Variants in KDM2B observed in about 807,000 individuals in gnomAD.
KDM2B encodes lysine-specific demethylase 2B.
Under a neutral mutation model 150.0 loss-of-function variants are expected in KDM2B, and 26 were observed. The observed-to-expected ratio is 0.17, with a 90% confidence interval of 0.13 to 0.24. KDM2B has a LOEUF of 0.24. Ranked by LOEUF, KDM2B falls within the 10% of genes least tolerant of loss-of-function variation. The pLI, the probability that KDM2B is intolerant of heterozygous loss-of-function variation, is 1.00. For missense variants in KDM2B, 1,265 were observed against 1,816.9 expected (o/e 0.70, Z 5.52); for synonymous variants, 734 against 729.5 (o/e 1.01, Z -0.10).
At chr12:121,553,487 G>A (rs1440297411) in intron 4 of KDM2B, among the ~76,000 whole-genome samples, 1 of 152,144 alleles carries the variant, frequency 6.6e-6, no homozygotes, top group Admixed American at 6.6e-5. Context: ...TAGAGGGTTC[G>A]GTTCCCAGCG....
At chr12:121,536,666 T>G (rs1442970287) in intron 6 of KDM2B, among the ~76,000 whole-genome samples, 2 of 152,026 alleles carry the variant, frequency 1.3e-5, no homozygotes, top group African/African-American at 2.4e-5. Flanking sequence ...CTTGGTTTTT[T>G]TTTTTTTTTC....
chr12:121,408,601 A>G, the KDM2B span, among the ~76,000 whole-genome samples: 15 of 152,162 alleles, frequency 9.9e-5, no homozygotes, highest in African/African-American at 3.6e-4. Flanking sequence ...ATGCAGAATA[A>G]ATTTCTGAAA....
Position 121,520,888 on chromosome 12 carries a change from A to C in KDM2B, c.1047+97T>G. ...GAGAGGAATCGGGAGGGAGAGGGGA[A>C]CTGTGGAGGACTTCAGTATGACCTG... On this transcript the variant is annotated intron_variant, in intron 9 of 22. Transcript: ENST00000377071. The surrounding 1 kb of genome is among the most constrained non-coding windows in gnomAD (Gnocchi z 4.5). The C allele has an allele frequency of 1.3e-6, 1 of 745,446 alleles. No homozygotes were observed. Among genetic ancestry groups the C allele is most frequent in the Non-Finnish European group, 2.2e-6 (1 of 449,760 alleles). The allele number at this position is 745,446 out of a possible 1,614,324, so 46.2% of individuals were successfully genotyped here.
rs946988827 is a variant in KDM2B, at chr12:121,513,212, C to T, written c.1174+64G>A. 2 of 1,587,468 alleles carry T rather than the reference C, an allele frequency of 1.3e-6. No individual in the cohort carries two copies. The highest frequency in any genetic ancestry group is 1.3e-5 in the African/African-American group (1 of 74,572). Reference sequence around the variant, plus strand: ...ACTCAGGGAGTGTCTCCAGGCCCCACTGAGAAAATGATTTCTGCCCCAGCT... The same window carrying T: ...ACTCAGGGAGTGTCTCCAGGCCCCATTGAGAAAATGATTTCTGCCCCAGCT... On this transcript the variant is annotated intron_variant, in intron 10 of 22. Coordinates refer to ENST00000377071, the MANE Select transcript of KDM2B (RefSeq NM_032590.5). The surrounding 1 kb of genome is among the most constrained non-coding windows in gnomAD (Gnocchi z 5.0).
chr12:121,442,532 T>C lies in KDM2B; in HGVS notation c.2909A>G (p.Gln970Arg). 1.3e-6 allele frequency: 2 copies of C among 1,599,748 alleles called. No homozygotes were observed. The highest frequency in any genetic ancestry group is 1.7e-6 in the Non-Finnish European group (2 of 1,179,868). ...CTCAGGCTCCGACTTGATGGGCTGC[T>C]GGTTCTCGTTGGCCAGGCTGTTCTC... The part of the protein sequence containing the change: ...RTENSLANEN[Q>R]QPIKSEPESE... Residue 970 changes from glutamine to arginine, a missense_variant, in exon 19 of 23, where the codon CAG (glutamine) becomes CGG (arginine). Physicochemically the swap from Gln to Arg is conservative, Grantham distance 43. Coordinates refer to ENST00000377071, the MANE Select transcript of KDM2B (RefSeq NM_032590.5). The surrounding 1 kb of genome is among the most constrained non-coding windows in gnomAD (Gnocchi z 7.7).
chr12:121,548,556 G>A (rs1441211537), intron 6 of KDM2B, among the ~76,000 whole-genome samples: 1 of 152,206 alleles, frequency 6.6e-6, no homozygotes, highest in Non-Finnish European at 1.5e-5. Flanking sequence ...GTGCACAAAA[G>A]TATGCACAGT....
intron 4 of KDM2B, among the ~76,000 whole-genome samples, chr12:121,560,049 G>C (rs1890228575): frequency 6.6e-6 from 1 of 152,134 alleles, no homozygotes; most frequent in Admixed American, 6.6e-5. Context: ...CTATCACCCA[G>C]GCTGGAGTGC....
At chr12:121,461,681 C>T (rs891398079) in intron 12 of KDM2B, among the ~76,000 whole-genome samples, 2 of 152,070 alleles carry the variant, frequency 1.3e-5, no homozygotes, top group African/African-American at 2.4e-5. Flanking sequence ...TGTGGGCATG[C>T]GGAATCCAAG....
intron 4 of KDM2B, among the ~76,000 whole-genome samples, chr12:121,565,235 C>T (rs531460747): frequency 1.3e-5 from 2 of 152,104 alleles, no homozygotes; most frequent in Non-Finnish European, 2.9e-5. Flanking sequence ...TCATAATAGA[C>T]ACACCAGCCA....
chr12:121,535,688 G>C (rs1169059785), intron 6 of KDM2B, among the ~76,000 whole-genome samples: 1 of 152,194 alleles, frequency 6.6e-6, no homozygotes, highest in Non-Finnish European at 1.5e-5. Context: ...GGGCCGGGGA[G>C]TGAATCCAGG....
At chr12:121,478,420 C>T (rs1158726071) in intron 12 of KDM2B, among the ~76,000 whole-genome samples, 3 of 148,432 alleles carry the variant, frequency 2.0e-5, no homozygotes, top group Non-Finnish European at 3.0e-5. Context: ...AGTGCAGTGG[C>T]GTGATCTCGG....
chr12:121,412,990 A>G, the KDM2B span, among the ~76,000 whole-genome samples: 1 of 150,612 alleles, frequency 6.6e-6, no homozygotes, highest in Non-Finnish European at 1.5e-5. Flanking sequence ...AAGTGCTGGG[A>G]TTACAGGCAT....
intron 12 of KDM2B, among the ~76,000 whole-genome samples, chr12:121,487,043 G>A (rs1555299037): frequency 6.6e-6 from 1 of 152,204 alleles, no homozygotes; most frequent in African/African-American, 2.4e-5. Flanking sequence ...AGGAGGCTGA[G>A]GTGGGAGGAT....
intron 22 of KDM2B, chr12:121,433,271 G>A (rs1387489035): frequency 1.1e-5 from 5 of 447,938 alleles, no homozygotes; most frequent in Non-Finnish European, 2.2e-5. Flanking sequence ...CTGGTTTCTC[G>A]GACCTTCCAC....
rs1449061434 is a variant in KDM2B, at chr12:121,533,824, G to A, written c.777+673C>T. 1.3e-5 allele frequency among the ~76,000 whole-genome samples: 2 copies of A among 152,208 alleles called. No homozygotes were observed. Among genetic ancestry groups the A allele is most frequent in the Non-Finnish European group, 2.9e-5 (2 of 68,036 alleles). On this transcript the variant is annotated intron_variant, in intron 7 of 22. Transcript: ENST00000377071. This position sits in a 1 kb window ranked among gnomAD's most constrained non-coding sequence, Gnocchi z 4.1. ...GGAGGAGGTGGTTCTAGGGAAAGAA[G>A]CGACCCTGGGCCAGGAGCCATGGCC...
rs1157400329 is a variant in KDM2B at position 121,467,453 on chromosome 12, TG to T, written c.1735-14110del. ...TGCATGAGGCGAGCCAGGAAGGGGCTGGCCCCCCGGGCGGGCGGGCCAATGG... is the reference window on the plus strand; with the variant it reads ...TGCATGAGGCGAGCCAGGAAGGGGCTGCCCCCCGGGCGGGCGGGCCAATGG... On this transcript the variant is annotated intron_variant, in intron 12 of 22. Coordinates refer to ENST00000377071, the MANE Select transcript of KDM2B (RefSeq NM_032590.5). The surrounding 1 kb of genome is among the most constrained non-coding windows in gnomAD (Gnocchi z 5.1). 19 of 694,972 alleles carry T rather than the reference TG, an allele frequency of 2.7e-5. No homozygotes were observed. The highest frequency in any genetic ancestry group is 3.3e-5 in the Non-Finnish European group (19 of 567,674). 43.1% of individuals were successfully genotyped at this position (694,972 alleles called of 1,614,324 possible). A position where few individuals can be genotyped will look rare whatever the true frequency, so the allele number is the denominator to read the frequency against.
Position 121,533,037 on chromosome 12 carries a change from G to C in KDM2B, c.778-78C>G. The C allele has an allele frequency of 3.4e-6, 5 of 1,462,714 alleles. No homozygotes were observed. Among genetic ancestry groups the C allele is most frequent in the Non-Finnish European group, 4.7e-6 (5 of 1,056,412 alleles). 90.6% of individuals were successfully genotyped at this position (1,462,714 alleles called of 1,614,324 possible). A position where few individuals can be genotyped will look rare whatever the true frequency, so the allele number is the denominator to read the frequency against. On this transcript the variant is annotated intron_variant, in intron 7 of 22. Coordinates refer to ENST00000377071, the MANE Select transcript of KDM2B (RefSeq NM_032590.5). The surrounding 1 kb of genome is among the most constrained non-coding windows in gnomAD (Gnocchi z 4.1). ...AGAGAGAGGGCCCCACCTGCCTGGC[G>C]GAAGGGGAGGGGGCGAGACAAGCTG...
At position 121,468,509 on chromosome 12, in the gene KDM2B, C is replaced by A. The variant is rs1555295320; in HGVS notation, c.1735-15165G>T. ...ATGCACACCTGTACCTGTTCAGTTT[C>A]TCCATCTATACAAGGGGAAGGATTT... On this transcript the variant is annotated intron_variant, in intron 12 of 22. Transcript: ENST00000377071. This position sits in a 1 kb window ranked among gnomAD's most constrained non-coding sequence, Gnocchi z 4.0. 2 of 152,252 alleles carry A rather than the reference C, an allele frequency of 1.3e-5. No homozygotes were observed. The highest frequency in any genetic ancestry group is 4.8e-5 in the African/African-American group (2 of 41,462). The allele number at this position is 152,252 out of a possible 1,614,324, so 9.4% of individuals were successfully genotyped here.
intron 12 of KDM2B, among the ~76,000 whole-genome samples, chr12:121,485,729 CAAT>C (rs1555298768): frequency 6.6e-6 from 1 of 151,340 alleles, no homozygotes; most frequent in Non-Finnish European, 1.5e-5. Flanking sequence ...ACAACACGTT[CAAT>C]AATAATAACG....
Sources: gnomAD v4.1 joint callset for allele counts (sites outside exome capture counted in the v4.1 genomes callset) on GRCh38, gnomAD v4.1.1 for gene constraint, Gnocchi (gnomAD v3.1) non-coding constraint, MANE v1.5 for transcripts, NCBI Gene and HGNC (gene_info 2026-07-23, HGNC 2026-07-21) for gene names.